Variants in EEFSEC observed in about 807,000 individuals in gnomAD.
EEFSEC encodes eukaryotic elongation factor, selenocysteine-tRNA specific, also known as selenocysteine-specific elongation factor.
Under a neutral mutation model 42.1 loss-of-function variants are expected in EEFSEC, and 43 were observed. The observed-to-expected ratio is 1.02, with a 90% confidence interval of 0.80 to 1.32. The LOEUF (loss-of-function observed/expected upper bound fraction) is 1.32, where lower values mean the gene tolerates loss of function less well. EEFSEC is among the 40% of genes most tolerant of loss of function. The pLI, the probability that EEFSEC is intolerant of heterozygous loss-of-function variation, is 0.00. For missense variants in EEFSEC, 745 were observed against 803.6 expected, an observed-to-expected ratio of 0.93 and a Z score of 0.88; for synonymous variants, 354 against 339.1, an observed-to-expected ratio of 1.04 and a Z score of -0.48.
chr3:128,257,321 C>G (rs1051027667), intron 2 of EEFSEC, among the ~76,000 whole-genome samples: 1 of 152,174 alleles, frequency 6.6e-6, no homozygotes, highest in Non-Finnish European at 1.5e-5. Context: ...AGTATTTGAA[C>G]AGCAGTTTCT....
At chr3:128,334,816 G>C (rs2067172075) in intron 4 of EEFSEC, among the ~76,000 whole-genome samples, 1 of 152,322 alleles carries the variant, frequency 6.6e-6, no homozygotes, top group Non-Finnish European at 1.5e-5. Flanking sequence ...TGCCCTCTGG[G>C]GAGCTAGGCT....
At chr3:128,232,550 C>T (rs2065969321) in intron 1 of EEFSEC, among the ~76,000 whole-genome samples, 1 of 152,034 alleles carries the variant, frequency 6.6e-6, no homozygotes, top group Admixed American at 6.5e-5. Context: ...TAGAGGAAAT[C>T]CTAAAATGGT....
intron 4 of EEFSEC, among the ~76,000 whole-genome samples, chr3:128,285,761 T>A (rs1005326121): frequency 3.0e-4 from 45 of 152,276 alleles, no homozygotes; most frequent in African/African-American, 1.0e-3. Context: ...AGTCCCACGT[T>A]CCTGGAGCCG....
intron 4 of EEFSEC, among the ~76,000 whole-genome samples, chr3:128,329,353 C>T (rs995542497): frequency 1.3e-5 from 2 of 152,122 alleles, no homozygotes; most frequent in African/African-American, 2.4e-5. Flanking sequence ...TTGAGTGTGA[C>T]GGACGTTCCT....
At chr3:128,424,048 G>T in the EEFSEC span, among the ~76,000 whole-genome samples, 660 of 152,082 alleles carry the variant, frequency 4.3e-3, 4 homozygotes, top group Non-Finnish European at 7.4e-3. Context: ...CCACACACCC[G>T]CACACACACA....
intron 4 of EEFSEC, among the ~76,000 whole-genome samples, chr3:128,287,785 GA>G (rs559772024): frequency 5.9e-5 from 9 of 152,042 alleles, no homozygotes; most frequent in South Asian, 4.2e-4. Context: ...CAAGATAGGG[GA>G]AAAAAAATTC....
chr3:128,162,604 C>A (rs368380558), intron 1 of EEFSEC, among the ~76,000 whole-genome samples: 1 of 152,238 alleles, frequency 6.6e-6, no homozygotes, highest in Non-Finnish European at 1.5e-5. Flanking sequence ...AGAGACACAG[C>A]CTTGAGTTTA....
intron 1 of EEFSEC, among the ~76,000 whole-genome samples, chr3:128,171,120 A>G (rs2065291637): frequency 6.6e-6 from 1 of 152,212 alleles, no homozygotes; most frequent in Non-Finnish European, 1.5e-5. Context: ...TTGGTGCACA[A>G]GAGGGCAGTA....
At position 128,408,093 on chromosome 3, in the gene EEFSEC, A is replaced by G. The variant is rs752574037; in HGVS notation, c.1625A>G (p.Lys542Arg). The G allele has an allele frequency of 6.3e-6, 10 of 1,591,754 alleles. No individual in the cohort carries two copies. Among genetic ancestry groups the G allele is most frequent in the South Asian group, 3.4e-5 (3 of 88,316 alleles). Reference protein sequence around the residue: ...IPGGLSPESKKILTPALKKRA... With the variant: ...IPGGLSPESKRILTPALKKRA... Reference sequence around the variant, plus strand: ...GGTGGCCTCAGCCCCGAGTCCAAGAAGATCCTGACACCCGCCCTCAAGAAG... The same window carrying G: ...GGTGGCCTCAGCCCCGAGTCCAAGAGGATCCTGACACCCGCCCTCAAGAAG... The change falls in exon 7 of 7, where the codon AAG becomes AGG. Residue 542 changes from lysine to arginine, a missense_variant. Transcript: ENST00000254730.
intron 4 of EEFSEC, among the ~76,000 whole-genome samples, chr3:128,316,466 A>G (rs1331023225): frequency 1.3e-5 from 2 of 152,210 alleles, no homozygotes; most frequent in Non-Finnish European, 2.9e-5. Flanking sequence ...CCTGGTCCAC[A>G]GAAGAGCGCT....
At chr3:128,211,917 T>C (rs539748496) in intron 1 of EEFSEC, among the ~76,000 whole-genome samples, 4 of 125,392 alleles carry the variant, frequency 3.2e-5, no homozygotes, top group African/African-American at 1.2e-4. Context: ...TGGAGTGCAG[T>C]GGCATGATCT....
At chr3:128,340,829 G>A (rs973447881) in intron 4 of EEFSEC, among the ~76,000 whole-genome samples, 2 of 152,218 alleles carry the variant, frequency 1.3e-5, no homozygotes, top group Non-Finnish European at 2.9e-5. Context: ...CCATTCTTGG[G>A]GGAGGAGGCA....
At chr3:128,285,559 T>C (rs1401964430) in intron 4 of EEFSEC, among the ~76,000 whole-genome samples, 1 of 152,174 alleles carries the variant, frequency 6.6e-6, no homozygotes, top group Non-Finnish European at 1.5e-5. Flanking sequence ...CTGTAGCATG[T>C]CCACTTCCTC....
chr3:128,392,731 G>A (rs896619338), intron 6 of EEFSEC, among the ~76,000 whole-genome samples: 8 of 152,204 alleles, frequency 5.3e-5, no homozygotes, highest in African/African-American at 9.7e-5. Context: ...CCTCACCCCT[G>A]AGCCTACTTG....
chr3:128,288,141 C>A (rs1361332958), intron 4 of EEFSEC, among the ~76,000 whole-genome samples: 1 of 152,108 alleles, frequency 6.6e-6, no homozygotes. Context: ...TTCTGTATTT[C>A]TTCTTTTAAA....
chr3:128,244,557 T>C (rs188970179), intron 1 of EEFSEC, among the ~76,000 whole-genome samples: 3 of 152,246 alleles, frequency 2.0e-5, no homozygotes, highest in East Asian at 3.9e-4. Flanking sequence ...ATTATTTATT[T>C]ATTTATGCAC....
intron 1 of EEFSEC, among the ~76,000 whole-genome samples, chr3:128,168,689 G>A (rs2065265390): frequency 1.3e-5 from 2 of 152,238 alleles, no homozygotes; most frequent in Admixed American, 1.3e-4. Flanking sequence ...GCCCCCTGGG[G>A]CTTCGAGGCT....
At chr3:128,167,170 G>C (rs1319033791) in intron 1 of EEFSEC, among the ~76,000 whole-genome samples, 3 of 152,076 alleles carry the variant, frequency 2.0e-5, no homozygotes, top group Non-Finnish European at 2.9e-5. Flanking sequence ...CCTCAGGCTA[G>C]ATTAGGTCAC....
intron 2 of EEFSEC, among the ~76,000 whole-genome samples, chr3:128,253,790 C>A (rs2066213505): frequency 6.6e-6 from 1 of 152,142 alleles, no homozygotes; most frequent in African/African-American, 2.4e-5. Flanking sequence ...TGTGTCATGT[C>A]TGAGCTACTC....
Sources: allele counts gnomAD v4.1 joint callset (sites outside exome capture counted in the v4.1 genomes callset), GRCh38; gene constraint gnomAD v4.1.1; transcripts MANE v1.5; gene names NCBI Gene and HGNC (gene_info 2026-07-23, HGNC 2026-07-21).